The following ME3 variants were observed in gnomAD, a reference collection of about 807,000 sequenced individuals.
ME3 encodes NADP-dependent malic enzyme, mitochondrial.
Under a neutral mutation model 68.9 loss-of-function variants are expected in ME3, and 48 were observed. The ratio of observed to expected loss-of-function variants is 0.70; its 90% CI spans 0.55 to 0.89. The LOEUF (loss-of-function observed/expected upper bound fraction) is 0.89. Ranked by LOEUF, ME3 falls within the 40% of genes least tolerant of loss-of-function variation. ME3 has a pLI of 0.00. For synonymous variants in ME3, 320 were observed against 318.8 expected, an observed-to-expected ratio of 1.00 and a Z score of -0.04; for missense variants, 675 against 797.4, an observed-to-expected ratio of 0.85 and a Z score of 1.85.
rs140509895 is a variant in ME3, at chr11:86,594,629, C to T, written c.184-34806G>A. ...AGATCACTTGAGCCCGAGAGGTCAA[C>T]GCTGCAGTGAGCTGTGATTGCACCA... On this transcript the variant is annotated intron_variant, in intron 2 of 14. Coordinates refer to ENST00000543262, the Ensembl canonical transcript of ME3. Among the ~76,000 whole-genome samples the T allele has an allele frequency of 6.8e-4, 99 of 146,108 alleles. 15 individuals are homozygous for T. The highest frequency in any genetic ancestry group is 7.1e-3 in the Middle Eastern group (2 of 280).
chr11:86,619,568 T>C (rs1410027109), intron 2 of ME3, among the ~76,000 whole-genome samples: 3 of 152,230 alleles, frequency 2.0e-5, no homozygotes, highest in African/African-American at 7.2e-5. Flanking sequence ...TGGTGGTGAA[T>C]AAGTCTCATG....
At chr11:86,538,790 C>G (rs1293214151) in intron 4 of ME3, among the ~76,000 whole-genome samples, 2 of 152,156 alleles carry the variant, frequency 1.3e-5, no homozygotes, top group Non-Finnish European at 2.9e-5. Flanking sequence ...ATCATGATCC[C>G]TGACCCAATC....
chr11:86,469,947 G>A (rs946050587), intron 7 of ME3, among the ~76,000 whole-genome samples: 2 of 151,876 alleles, frequency 1.3e-5, no homozygotes, highest in African/African-American at 2.4e-5. Flanking sequence ...TGTGTGTGAC[G>A]GTGTGATGAT....
chr11:86,649,897 G>A (rs1945286687), intron 2 of ME3, among the ~76,000 whole-genome samples: 1 of 152,144 alleles, frequency 6.6e-6, no homozygotes, highest in East Asian at 1.9e-4. Flanking sequence ...ATAATTTATA[G>A]ATTCAATGCT....
chr11:86,651,762 T>A (rs891138475), intron 2 of ME3, among the ~76,000 whole-genome samples: 2 of 152,156 alleles, frequency 1.3e-5, no homozygotes, highest in African/African-American at 4.8e-5. Context: ...TTTGATGAGA[T>A]GAGAGGAGAA....
intron 4 of ME3, among the ~76,000 whole-genome samples, chr11:86,526,745 C>G (rs955580691): frequency 6.6e-6 from 1 of 152,156 alleles, no homozygotes; most frequent in Admixed American, 6.5e-5. Flanking sequence ...CTGCTGATAC[C>G]CAGGCGAACA....
At chr11:86,483,208 A>G (rs2138894412) in intron 7 of ME3, among the ~76,000 whole-genome samples, 1 of 152,336 alleles carries the variant, frequency 6.6e-6, no homozygotes, top group Non-Finnish European at 1.5e-5. Flanking sequence ...GTAGCCGTCC[A>G]AATGTAAAGG....
chr11:86,502,685 T>G (rs12269800), intron 5 of ME3, among the ~76,000 whole-genome samples: 1,670 of 152,308 alleles, frequency 0.011, 36 homozygotes, highest in African/African-American at 0.037. Flanking sequence ...CCAAGCAAAC[T>G]TTTCTACAAC....
intron 2 of ME3, among the ~76,000 whole-genome samples, chr11:86,629,170 G>A (rs900830119): frequency 6.6e-6 from 1 of 152,116 alleles, no homozygotes. Flanking sequence ...CTGGAGCCCT[G>A]CTATCTTTCT....
Position 86,637,356 on chromosome 11 carries a change from A to T in ME3, c.183+34406T>A, listed in dbSNP as rs1027432426. ...CAACAACAACAAGAAGCACAAAAAA[A>T]AAAAAAAAAGCAAAACTCATTACAG... On this transcript the variant is annotated intron_variant, in intron 2 of 14. Coordinates refer to ENST00000543262, the Ensembl canonical transcript of ME3. Among the ~76,000 whole-genome samples, 1,146 of 152,032 alleles carry T rather than the reference A, an allele frequency of 7.5e-3. 54 individuals carry two copies. The highest frequency in any genetic ancestry group is 0.067 in the Admixed American group (1,017 of 15,246).
At chr11:86,595,306 T>TATATAG (rs371436753) in intron 2 of ME3, among the ~76,000 whole-genome samples, 4,126 of 79,770 alleles carry the variant, frequency 0.052, 241 homozygotes, top group Non-Finnish European at 0.08. Flanking sequence ...TATATATATA[T>TATATAG]AGAGAGAGAG....
Position 86,448,759 on chromosome 11 carries a change from C to T in ME3, c.1132-504G>A, listed in dbSNP as rs79224263. Among the ~76,000 whole-genome samples, 19 of 152,314 alleles carry T rather than the reference C, an allele frequency of 1.2e-4. No individual in the cohort carries two copies. In the East Asian group the frequency reaches 3.7e-3, roughly 29 times the overall value. On this transcript the variant is annotated intron_variant, in intron 10 of 14. Transcript: ENST00000543262. ...AATGACAGGCCATGCCCAACCAGCT[C>T]CAGTTCCTTACATTTCTTCAAATGG...
At chr11:86,471,141 C>CTTTTTTTTTTTTTTTTTTTTTTTTTTTT (rs1163128094) in intron 7 of ME3, among the ~76,000 whole-genome samples, 3 of 75,044 alleles carry the variant, frequency 4.0e-5, no homozygotes, top group African/African-American at 1.3e-4. Context: ...AGGCCCAGAG[C>CTTTTTTTTTTTTTTTTTTTTTTTTTTTT]TTTTTTTTTT....
chr11:86,579,939 T>C (rs549923164), intron 2 of ME3, among the ~76,000 whole-genome samples: 1 of 152,336 alleles, frequency 6.6e-6, no homozygotes, highest in Admixed American at 6.5e-5. Flanking sequence ...TATGGAACCT[T>C]GGAACTTCAA....
chr11:86,610,500 G>A (rs1190936683), intron 2 of ME3, among the ~76,000 whole-genome samples: 1 of 152,180 alleles, frequency 6.6e-6, no homozygotes, highest in Non-Finnish European at 1.5e-5. Context: ...TGCCATGGGA[G>A]TGATGCCGTG....
chr11:86,588,926 C>T (rs1272907407), intron 2 of ME3, among the ~76,000 whole-genome samples: 9 of 152,196 alleles, frequency 5.9e-5, no homozygotes, highest in Non-Finnish European at 1.3e-4. Flanking sequence ...AGCTGTGTGT[C>T]CCCAATGCTT....
chr11:86,524,790 A>G (rs1954603417), intron 4 of ME3, among the ~76,000 whole-genome samples: 1 of 152,206 alleles, frequency 6.6e-6, no homozygotes. Context: ...CTGGAAGCAA[A>G]TGTAAGAGAC....
intron 6 of ME3, among the ~76,000 whole-genome samples, chr11:86,488,431 A>G (rs1951818323): frequency 6.6e-6 from 1 of 151,452 alleles, no homozygotes; most frequent in Non-Finnish European, 1.5e-5. Flanking sequence ...CTTACTGAAT[A>G]CCTACCATGT....
intron 3 of ME3, among the ~76,000 whole-genome samples, chr11:86,557,406 C>T (rs1276117896): frequency 6.6e-6 from 1 of 152,176 alleles, no homozygotes; most frequent in Non-Finnish European, 1.5e-5. Context: ...CTGCTAATAT[C>T]ACAACCTTTC....
Sources: allele counts gnomAD v4.1 joint callset (sites outside exome capture counted in the v4.1 genomes callset), GRCh38; gene constraint gnomAD v4.1.1; transcripts MANE v1.5; gene names NCBI Gene and HGNC (gene_info 2026-07-23, HGNC 2026-07-21).